AK5: variants seen among roughly 807,000 people sequenced by gnomAD.
AK5 encodes adenylate kinase isoenzyme 5.
A neutral mutation model predicts 69.5 loss-of-function variants in AK5; 27 were observed. The observed-to-expected ratio is 0.39, with a 90% CI of 0.29 to 0.54. AK5 has a LOEUF of 0.54. Ranked by LOEUF, AK5 falls within the 20% of genes least tolerant of loss-of-function variation. The pLI is 0.71. For synonymous variants in AK5, 260 were observed against 244.4 expected, an observed-to-expected ratio of 1.06 and a Z score of -0.60; for missense variants, 531 against 700.4, an observed-to-expected ratio of 0.76 and a Z score of 2.73.
At chr1:77,477,104 T>C (rs1465059769) in intron 8 of AK5, among the ~76,000 whole-genome samples, 3 of 152,024 alleles carry the variant, frequency 2.0e-5, no homozygotes, top group Non-Finnish European at 4.4e-5. Flanking sequence ...CATGGCTTAC[T>C]GCAGCCTCAA....
chr1:77,347,804 A>C (rs1030639149), intron 6 of AK5, among the ~76,000 whole-genome samples: 8 of 152,186 alleles, frequency 5.3e-5, no homozygotes, highest in South Asian at 4.1e-4. Context: ...CCACATTTAT[A>C]GCTCATCCTG....
intron 6 of AK5, among the ~76,000 whole-genome samples, chr1:77,394,158 T>C (rs1382277810): frequency 2.0e-5 from 3 of 150,104 alleles, no homozygotes; most frequent in Non-Finnish European, 4.4e-5. Flanking sequence ...GAGCTTGCAG[T>C]GAGCTGAGAT....
At chr1:77,416,089 T>A (rs149791375) in intron 7 of AK5, among the ~76,000 whole-genome samples, 2,060 of 152,214 alleles carry the variant, frequency 0.014, 28 homozygotes, top group Admixed American at 0.022. Context: ...ACAACATAAG[T>A]GCAAACTGAC....
chr1:77,369,514 A>G lies in AK5; in HGVS notation c.891+28946A>G, dbSNP rs138697294. Among the ~76,000 whole-genome samples, 136 of 152,326 alleles carry G rather than the reference A, an allele frequency of 8.9e-4. 3 individuals are homozygous for G. Among genetic ancestry groups the G allele is most frequent in the Admixed American group, 6.2e-3 (95 of 15,302 alleles). ...TAGGCTTTCCCAAATTATTCATAGT[A>G]ATACAGTCCTCTGTTGTCATCTTGA... On this transcript the variant is annotated intron_variant, in intron 6 of 13. Coordinates refer to ENST00000354567, the MANE Select transcript of AK5 (RefSeq NM_174858.3).
chr1:77,313,739 T>C (rs1009978479), intron 5 of AK5: 3 of 489,728 alleles, frequency 6.1e-6, no homozygotes, highest in Admixed American at 2.2e-5. Flanking sequence ...TGTGGTACCA[T>C]GGCAGCTGCT....
chr1:77,343,749 AG>A (rs1661777314), intron 6 of AK5, among the ~76,000 whole-genome samples: 1 of 152,224 alleles, frequency 6.6e-6, no homozygotes, highest in African/African-American at 2.4e-5. Context: ...GAATATTGTA[AG>A]GGTAAATGAC....
At chr1:77,359,721 T>C (rs1266753432) in intron 6 of AK5, among the ~76,000 whole-genome samples, 1 of 152,202 alleles carries the variant, frequency 6.6e-6, no homozygotes, top group Non-Finnish European at 1.5e-5. Flanking sequence ...ATGCATAACT[T>C]ATTCGAACTT....
intron 6 of AK5, among the ~76,000 whole-genome samples, chr1:77,401,657 C>A (rs1649224089): frequency 1.3e-5 from 2 of 152,112 alleles, no homozygotes; most frequent in Admixed American, 1.3e-4. Context: ...ATGTGGCAAG[C>A]CCTATCTCTA....
chr1:77,314,184 A>G (rs1660118304), intron 5 of AK5: 2 of 291,906 alleles, frequency 6.9e-6, no homozygotes, highest in Non-Finnish European at 1.3e-5. Flanking sequence ...GATGGAGGCT[A>G]CGTTTTCAAG....
intron 10 of AK5, among the ~76,000 whole-genome samples, chr1:77,504,999 C>A (rs1291654834): frequency 6.6e-6 from 1 of 151,986 alleles, no homozygotes. Context: ...TGATTTTTTT[C>A]TCTTACGGTA....
intron 6 of AK5, among the ~76,000 whole-genome samples, chr1:77,366,038 C>T (rs925084715): frequency 6.6e-6 from 1 of 151,774 alleles, no homozygotes; most frequent in African/African-American, 2.4e-5. Flanking sequence ...ACCTGTTCCC[C>T]GAAAACCTAT....
At chr1:77,503,681 C>T (rs1197719148) in intron 10 of AK5, among the ~76,000 whole-genome samples, 1 of 152,090 alleles carries the variant, frequency 6.6e-6, no homozygotes, top group African/African-American at 2.4e-5. Flanking sequence ...GCAGACGGAT[C>T]ACCTGAGGTC....
At chr1:77,385,061 C>A (rs1027781850) in intron 6 of AK5, among the ~76,000 whole-genome samples, 2 of 152,144 alleles carry the variant, frequency 1.3e-5, no homozygotes, top group African/African-American at 4.8e-5. Flanking sequence ...GTGAGATGCT[C>A]AGGACAGGGC....
intron 10 of AK5, among the ~76,000 whole-genome samples, chr1:77,486,555 G>A (rs556438716): frequency 4.4e-4 from 67 of 151,836 alleles, no homozygotes; most frequent in African/African-American, 1.4e-3. Context: ...AAAATTAGCC[G>A]GGCATGGTGG....
chr1:77,543,522 G>T (rs1477694203), intron 13 of AK5, among the ~76,000 whole-genome samples: 1 of 89,148 alleles, frequency 1.1e-5, no homozygotes, highest in Non-Finnish European at 2.8e-5. Context: ...AGTAAACATT[G>T]CTCTATTTTT....
At chr1:77,486,466 C>T (rs886754256) in intron 10 of AK5, 114 bp downstream of exon 10, 17 of 646,674 alleles carry the variant, frequency 2.6e-5, no homozygotes, top group Admixed American at 1.2e-4. Context: ...GAGGCCAAGG[C>T]GGGCAGATCA....
At chr1:77,459,116 A>G (rs377160005) in intron 8 of AK5, among the ~76,000 whole-genome samples, 3 of 152,196 alleles carry the variant, frequency 2.0e-5, no homozygotes, top group African/African-American at 7.2e-5. Flanking sequence ...TGTCTTCCAC[A>G]TGTATCCTAT....
In AK5 at chr1:77,559,258, A is replaced by AAAAT. The variant is rs1660302290; in HGVS notation, c.*590_*593dup. 6.6e-6 allele frequency: 1 copy of AAAAT among 152,248 alleles called. No individual in the cohort carries two copies. Among genetic ancestry groups the AAAAT allele is most frequent in the Non-Finnish European group, 1.5e-5 (1 of 68,040 alleles). 9.4% of individuals were successfully genotyped at this position (152,248 alleles called of 1,614,324 possible). A position where few individuals can be genotyped will look rare whatever the true frequency, so the allele number is the denominator to read the frequency against. On this transcript the variant is annotated 3_prime_UTR_variant, in exon 14 of 14. Transcript: ENST00000354567. ...GCAAGTAAAATTTGACAGAAATTTTAAAATATGAAGATGTATAGCTTTCCC... is the reference window on the plus strand; with the variant it reads ...GCAAGTAAAATTTGACAGAAATTTTAAAATAAATATGAAGATGTATAGCTTTCCC...
In AK5 at chr1:77,330,468, C is replaced by T. The variant is rs150111373; in HGVS notation, c.700-9909C>T. Among the ~76,000 whole-genome samples, 561 of 152,250 alleles carry T rather than the reference C, an allele frequency of 3.7e-3. 6 individuals are homozygous for T. The highest frequency in any genetic ancestry group is 6.0e-3 in the Admixed American group (91 of 15,290). Reference sequence around the variant, plus strand: ...TCATTGTTTTCCATATGGACATCCACTTTACCCAGTACCATTTGTTGAAAA... The same window carrying T: ...TCATTGTTTTCCATATGGACATCCATTTTACCCAGTACCATTTGTTGAAAA... On this transcript the variant is annotated intron_variant, in intron 5 of 13. Coordinates refer to ENST00000354567, the MANE Select transcript of AK5 (RefSeq NM_174858.3).
Sources: gnomAD v4.1 joint callset for allele counts (sites outside exome capture counted in the v4.1 genomes callset) on GRCh38, gnomAD v4.1.1 for gene constraint, MANE v1.5 for transcripts, NCBI Gene and HGNC (gene_info 2026-07-23, HGNC 2026-07-21) for gene names.